The following SPSB1 variants were observed in gnomAD, a reference collection of about 807,000 sequenced individuals.
SPSB1 encodes SPRY domain-containing SOCS box protein 1.
In SPSB1, 8 loss-of-function variants were observed where a neutral mutation model predicts 21.2. The ratio of observed to expected loss-of-function variants is 0.38; its 90% CI spans 0.22 to 0.68. The LOEUF (loss-of-function observed/expected upper bound fraction) is 0.68. Among genes scored for constraint, SPSB1 ranks in the 30% least tolerant of loss-of-function variants. The probability of loss-of-function intolerance (pLI) is 0.53; values close to 1 mark genes in which losing one functional copy is unlikely to be tolerated. For synonymous variants in SPSB1, 169 were observed against 161.7 expected (o/e 1.05, Z -0.34); for missense variants, 242 against 377.8 (o/e 0.64, Z 2.98).
chr1:9,347,351 T>C (rs573795270), intron 1 of SPSB1, among the ~76,000 whole-genome samples: 1 of 152,336 alleles, frequency 6.6e-6, no homozygotes, highest in African/African-American at 2.4e-5. Flanking sequence ...GTGAAATCAT[T>C]GTTTCTCAGC....
At chr1:9,339,697 C>T (rs987160576) in intron 1 of SPSB1, among the ~76,000 whole-genome samples, 3 of 152,214 alleles carry the variant, frequency 2.0e-5, no homozygotes, top group African/African-American at 7.2e-5. Flanking sequence ...AGGGGAGGGG[C>T]CTCCAGCAGG....
At chr1:9,319,923 G>C (rs949521435) in intron 1 of SPSB1, among the ~76,000 whole-genome samples, 13 of 152,196 alleles carry the variant, frequency 8.5e-5, no homozygotes, top group African/African-American at 2.6e-4. Flanking sequence ...AGACCTCCTG[G>C]GAGGACCATA....
At chr1:9,326,804 G>C (rs1298918511) in intron 1 of SPSB1, among the ~76,000 whole-genome samples, 1 of 152,230 alleles carries the variant, frequency 6.6e-6, no homozygotes, top group Non-Finnish European at 1.5e-5. Flanking sequence ...AGTTTAGTCT[G>C]TGTTGGTTTA....
Position 9,345,892 on chromosome 1 carries a change from G to C in SPSB1, c.-149-9851G>C, listed in dbSNP as rs967822529. Among the ~76,000 whole-genome samples, 1 of 152,214 alleles carries C rather than the reference G, an allele frequency of 6.6e-6. No individual in the cohort carries two copies. Among genetic ancestry groups the C allele is most frequent in the Non-Finnish European group, 1.5e-5 (1 of 68,034 alleles). ...TGAGGGGTCCCTCCTCAAGTTGGCA[G>C]TTGGCAGGGTGAGGGGTGGAGGGTG... On this transcript the variant is annotated intron_variant, in intron 1 of 2. Transcript: ENST00000328089. This position sits in a 1 kb window ranked among gnomAD's most constrained non-coding sequence, Gnocchi z 4.8.
rs1640204692 is a variant in SPSB1, at chr1:9,348,825, A to C, written c.-149-6918A>C. ...AATCCAGTAGGGTCACGCGGCTCTG[A>C]TGGGTGTTTGGAACCCCAACCCACC... On this transcript the variant is annotated intron_variant, in intron 1 of 2. Transcript: ENST00000328089. This position sits in a 1 kb window ranked among gnomAD's most constrained non-coding sequence, Gnocchi z 4.8. Among the ~76,000 whole-genome samples, 1 of 151,088 alleles carries C rather than the reference A, an allele frequency of 6.6e-6. No homozygotes were observed. Among genetic ancestry groups the C allele is most frequent in the South Asian group, 2.1e-4 (1 of 4,780 alleles).
rs1640201304 is a variant in SPSB1, at chr1:9,348,575, C to A, written c.-149-7168C>A. ...CAGCATTCATTTCCAGGCTTCCTTC[C>A]CTCTGTATCTGCAGACCTGGCTGCC... On this transcript the variant is annotated intron_variant, in intron 1 of 2. Transcript: ENST00000328089. The surrounding 1 kb of genome is among the most constrained non-coding windows in gnomAD (Gnocchi z 4.8). Among the ~76,000 whole-genome samples, 1 of 152,104 alleles carries A rather than the reference C, an allele frequency of 6.6e-6. No individual in the cohort carries two copies. Among genetic ancestry groups the A allele is most frequent in the Non-Finnish European group, 1.5e-5 (1 of 68,014 alleles).
intron 2 of SPSB1, among the ~76,000 whole-genome samples, chr1:9,366,553 C>T (rs1483862523): frequency 6.6e-6 from 1 of 151,368 alleles, no homozygotes; most frequent in African/African-American, 2.4e-5. Context: ...TGGGTGTCCC[C>T]TCTGTGCCTG....
At chr1:9,342,827 G>C (rs1640111823) in intron 1 of SPSB1, among the ~76,000 whole-genome samples, 1 of 152,232 alleles carries the variant, frequency 6.6e-6, no homozygotes, top group African/African-American at 2.4e-5. Flanking sequence ...GAAAGGGGAG[G>C]GGGCAGAGGC....
chr1:9,367,461 G>A lies in SPSB1; in HGVS notation c.708G>A (p.Pro236=), dbSNP rs764834979. ...CTGTCTCCCCAGCCGAGCCGCTGCC[G>A]CTCATGGATTTGTGCCGTCGCTCGG... ...YLNGLDPEPL[P]LMDLCRRSVR... The change falls in exon 3 of 3, where the codon CCG becomes CCA. Residue 236 remains proline (P), a synonymous_variant. Transcript: ENST00000328089. The surrounding 1 kb of genome is among the most constrained non-coding windows in gnomAD (Gnocchi z 5.9). 36 of 1,613,584 alleles carry A rather than the reference G, an allele frequency of 2.2e-5. No individual in the cohort carries two copies. Among genetic ancestry groups the A allele is most frequent in the East Asian group, 1.1e-4 (5 of 44,890 alleles).
At chr1:9,334,877 C>A (rs574667631) in intron 1 of SPSB1, among the ~76,000 whole-genome samples, 1 of 152,312 alleles carries the variant, frequency 6.6e-6, no homozygotes, top group East Asian at 1.9e-4. Flanking sequence ...TCAAAATGTC[C>A]TTCCGTGTTA....
chr1:9,337,778 C>T lies in SPSB1; in HGVS notation c.-149-17965C>T, dbSNP rs549039191. ...AACCTCCCTGCTCCCTGCCTCCGTTCGTTCTCTTGCTCCCTCACTCTGTCT... is the reference window on the plus strand; with the variant it reads ...AACCTCCCTGCTCCCTGCCTCCGTTTGTTCTCTTGCTCCCTCACTCTGTCT... On this transcript the variant is annotated intron_variant, in intron 1 of 2. Coordinates refer to ENST00000328089, the MANE Select transcript of SPSB1 (RefSeq NM_025106.4). Among the ~76,000 whole-genome samples the T allele has an allele frequency of 2.0e-5, 3 of 152,212 alleles. 1 individual carries two copies. In the South Asian group the frequency reaches 6.2e-4, roughly 31 times the overall value.
intron 2 of SPSB1, among the ~76,000 whole-genome samples, chr1:9,364,814 G>C (rs879480672): frequency 6.7e-6 from 1 of 149,722 alleles, no homozygotes. Context: ...CAGTTTTGGG[G>C]TTTTTTTGTT....
intron 1 of SPSB1, among the ~76,000 whole-genome samples, chr1:9,329,145 C>T (rs1639872637): frequency 6.6e-6 from 1 of 152,136 alleles, no homozygotes. Flanking sequence ...GAATTGAAGA[C>T]ACCTAAGGGC....
At chr1:9,314,753 A>G (rs1254012846) in intron 1 of SPSB1, among the ~76,000 whole-genome samples, 1 of 152,214 alleles carries the variant, frequency 6.6e-6, no homozygotes, top group South Asian at 2.1e-4. Flanking sequence ...GGCCATTTCT[A>G]GTGGCAAGTG....
chr1:9,305,660 T>C lies in SPSB1; in HGVS notation c.-150+12589T>C, dbSNP rs1445310290. On this transcript the variant is annotated intron_variant, in intron 1 of 2. Transcript: ENST00000328089. This position sits in a 1 kb window ranked among gnomAD's most constrained non-coding sequence, Gnocchi z 4.8. Reference sequence around the variant, plus strand: ...CGTTCTCAGACCAGACTTCCTTCCATGCCCCGTGGGAGGTCAGGAACTCCG... The same window carrying C: ...CGTTCTCAGACCAGACTTCCTTCCACGCCCCGTGGGAGGTCAGGAACTCCG... 5.3e-5 allele frequency among the ~76,000 whole-genome samples: 8 copies of C among 152,194 alleles called. No homozygotes were observed. Among genetic ancestry groups the C allele is most frequent in the Non-Finnish European group, 8.8e-5 (6 of 68,032 alleles).
At chr1:9,319,955 C>T (rs191019796) in intron 1 of SPSB1, among the ~76,000 whole-genome samples, 245 of 152,290 alleles carry the variant, frequency 1.6e-3, no homozygotes, top group Non-Finnish European at 2.4e-3. Flanking sequence ...AGCTGGCCAC[C>T]TGCAGGCCTG....
chr1:9,339,450 C>T (rs571852515), intron 1 of SPSB1, among the ~76,000 whole-genome samples: 29 of 152,246 alleles, frequency 1.9e-4, no homozygotes, highest in South Asian at 8.3e-4. Context: ...TGCTCTGAGA[C>T]GGCTGCAGTG....
intron 1 of SPSB1, among the ~76,000 whole-genome samples, chr1:9,297,106 T>C (rs1159939382): frequency 6.6e-6 from 1 of 152,148 alleles, no homozygotes; most frequent in Non-Finnish European, 1.5e-5. Context: ...GTGGCAGGGC[T>C]GGGTGTCAGG....
At chr1:9,298,807 T>G (rs1639268488) in intron 1 of SPSB1, among the ~76,000 whole-genome samples, 1 of 152,204 alleles carries the variant, frequency 6.6e-6, no homozygotes, top group Non-Finnish European at 1.5e-5. Context: ...GGTTCCAGAT[T>G]CAAAGTTGAC....
Sources: allele counts gnomAD v4.1 joint callset (sites outside exome capture counted in the v4.1 genomes callset), GRCh38; gene constraint gnomAD v4.1.1; non-coding constraint Gnocchi (gnomAD v3.1); transcripts MANE v1.5; gene names NCBI Gene and HGNC (gene_info 2026-07-23, HGNC 2026-07-21).